CHD7: variants seen among roughly 807,000 people sequenced by gnomAD.
CHD7 encodes chromodomain helicase DNA binding protein 7.
A neutral mutation model predicts 307.3 loss-of-function variants in CHD7; 24 were observed. That is an observed-to-expected ratio of 0.08 (90% confidence interval 0.06 to 0.11). The LOEUF is 0.11. CHD7 is among the 10% of genes least tolerant of loss of function. CHD7 has a pLI of 1.00. For missense variants in CHD7, 3,106 were observed against 3,727.1 expected (o/e 0.83, Z 4.34); for synonymous variants, 1,363 against 1,349.9 (o/e 1.01, Z -0.21).
chr8:60,840,095 C>T (rs896509251), intron 19 of CHD7, among the ~76,000 whole-genome samples: 1 of 152,086 alleles, frequency 6.6e-6, no homozygotes, highest in Non-Finnish European at 1.5e-5. Context: ...ACTTAGATTC[C>T]AAGATTTATA....
At chr8:60,818,199 G>T (rs1390287032) in intron 8 of CHD7, among the ~76,000 whole-genome samples, 2 of 152,140 alleles carry the variant, frequency 1.3e-5, no homozygotes, top group Admixed American at 6.5e-5. Context: ...TGGCTGTACT[G>T]CTTTGAGATT....
At chr8:60,825,240 A>G (rs140042954) in intron 13 of CHD7, 6 of 152,332 alleles carry the variant, frequency 3.9e-5, no homozygotes, top group Admixed American at 2.6e-4. Flanking sequence ...CTGAAAGAGC[A>G]GCTTATTTTA....
intron 3 of CHD7, among the ~76,000 whole-genome samples, chr8:60,783,603 CT>C (rs1811362629): frequency 6.6e-6 from 1 of 152,198 alleles, no homozygotes; most frequent in Non-Finnish European, 1.5e-5. Flanking sequence ...ACCTTCCCCC[CT>C]CCTGCGGCTT....
chr8:60,694,626 G>A (rs746517822), intron 1 of CHD7, among the ~76,000 whole-genome samples: 6 of 152,242 alleles, frequency 3.9e-5, no homozygotes, highest in Non-Finnish European at 8.8e-5. Context: ...GCAAGGACCA[G>A]GGCAAGAGCC....
intron 1 of CHD7, among the ~76,000 whole-genome samples, chr8:60,712,759 A>G (rs1278164526): frequency 6.6e-6 from 1 of 152,074 alleles, no homozygotes. Context: ...TCTACTAAAA[A>G]TATAAAAATG....
intron 1 of CHD7, among the ~76,000 whole-genome samples, chr8:60,721,030 A>G (rs1032330450): frequency 1.3e-5 from 2 of 152,142 alleles, no homozygotes; most frequent in African/African-American, 2.4e-5. Flanking sequence ...TTGTCATTCC[A>G]TGTCAAGGGC....
chr8:60,824,141 T>C (rs1236985063), intron 13 of CHD7, 125 bp downstream of exon 13: 5 of 840,302 alleles, frequency 6.0e-6, no homozygotes, highest in Non-Finnish European at 9.2e-6. Context: ...TTGTGATATA[T>C]TCTCTGGCAC....
At chr8:60,699,839 TTTTTTTCTTTTTCGAGATAGAG>T (rs1470902133) in intron 1 of CHD7, among the ~76,000 whole-genome samples, 2 of 152,062 alleles carry the variant, frequency 1.3e-5, no homozygotes, top group Admixed American at 1.3e-4. Context: ...ATTTCTTTTT[TTTTTTTCTTTTTCGAGATAGAG>T]TTTTGCTTTT....
chr8:60,781,016 C>T lies in CHD7; in HGVS notation c.1682C>T (p.Pro561Leu), dbSNP rs775810287. 2.6e-6 allele frequency: 4 copies of T among 1,565,312 alleles called. No individual in the cohort carries two copies. Among genetic ancestry groups the T allele is most frequent in the Admixed American group, 2.0e-5 (1 of 49,334 alleles). Residue 561 changes from proline to leucine, a missense_variant, in exon 3 of 38, where the codon CCC becomes CTC. This residue lies in a region of CHD7 where 998 missense variants were observed against 1,004.5 expected (regional missense o/e 0.99). Coordinates refer to ENST00000423902, the MANE Select transcript of CHD7 (RefSeq NM_017780.4). ...GTCTCTCAGCATTCCCCGTCGGAGC[C>T]CTTTCTAGAGAAACCAGTGCCGGAT... Reference protein sequence around the residue: ...VPVHQHSPSEPFLEKPVPDMT... With the variant: ...VPVHQHSPSELFLEKPVPDMT...
At chr8:60,732,632 A>T (rs1463082405) in intron 1 of CHD7, among the ~76,000 whole-genome samples, 2 of 152,180 alleles carry the variant, frequency 1.3e-5, no homozygotes, top group East Asian at 3.8e-4. Context: ...TGATTTTTTT[A>T]AAATCAGGCT....
At chr8:60,711,970 A>G (rs377168623) in intron 1 of CHD7, among the ~76,000 whole-genome samples, 2 of 152,204 alleles carry the variant, frequency 1.3e-5, no homozygotes, top group South Asian at 4.1e-4. Flanking sequence ...ATCCTTTTCA[A>G]CCTTGAAAGT....
chr8:60,704,213 A>G (rs1230937573), intron 1 of CHD7, among the ~76,000 whole-genome samples: 4 of 152,204 alleles, frequency 2.6e-5, no homozygotes. Context: ...ATTAATCCAA[A>G]AAAGTATTCA....
intron 1 of CHD7, among the ~76,000 whole-genome samples, chr8:60,707,153 T>A (rs1807063766): frequency 6.6e-6 from 1 of 152,224 alleles, no homozygotes; most frequent in Non-Finnish European, 1.5e-5. Context: ...CTGAATATGA[T>A]ATAAAATCTG....
chr8:60,827,881 A>T (rs1804325976), intron 13 of CHD7, among the ~76,000 whole-genome samples: 1 of 152,078 alleles, frequency 6.6e-6, no homozygotes, highest in African/African-American at 2.4e-5. Context: ...TAGTTTTGTT[A>T]GCTGTGCTGT....
chr8:60,813,353 A>G (rs2150733484), intron 7 of CHD7, among the ~76,000 whole-genome samples: 1 of 152,252 alleles, frequency 6.6e-6, no homozygotes, highest in East Asian at 1.9e-4. Flanking sequence ...GCAAACAGAG[A>G]TAGCTTTACT....
chr8:60,809,219 G>A (rs898880187), intron 7 of CHD7, among the ~76,000 whole-genome samples: 1 of 152,124 alleles, frequency 6.6e-6, no homozygotes, highest in Non-Finnish European at 1.5e-5. Context: ...CTTTTATCAA[G>A]TAAAAAGATA....
chr8:60,683,765 T>G (rs1433309842), intron 1 of CHD7, among the ~76,000 whole-genome samples: 1 of 152,196 alleles, frequency 6.6e-6, no homozygotes, highest in Non-Finnish European at 1.5e-5. Flanking sequence ...GTGCTGGTCT[T>G]GTCTTTGTTG....
At chr8:60,807,881 T>C (rs969803435) in intron 6 of CHD7, among the ~76,000 whole-genome samples, 4 of 152,200 alleles carry the variant, frequency 2.6e-5, no homozygotes, top group Non-Finnish European at 5.9e-5. Flanking sequence ...CCTGAGAAAA[T>C]GGTACACTTG....
At chr8:60,853,931 C>T (rs1805591495) in intron 31 of CHD7, among the ~76,000 whole-genome samples, 1 of 152,040 alleles carries the variant, frequency 6.6e-6, no homozygotes, top group Non-Finnish European at 1.5e-5. Context: ...TAAAAATAAC[C>T]AATTTTTTAA....
Sources: allele counts gnomAD v4.1 joint callset (sites outside exome capture counted in the v4.1 genomes callset), GRCh38; gene constraint gnomAD v4.1.1; regional missense constraint gnomAD v4.1.1; transcripts MANE v1.5; gene names NCBI Gene and HGNC (gene_info 2026-07-23, HGNC 2026-07-21).